Variants in HEMK2 observed in about 807,000 individuals in gnomAD.
HEMK2 encodes the protein methyltransferase HEMK2.
chr21:28,591,882 C>T, the HEMK2 span, among the ~76,000 whole-genome samples: 8 of 152,126 alleles, frequency 5.3e-5, no homozygotes, highest in African/African-American at 9.7e-5. Flanking sequence ...GTAATTGTCT[C>T]GTTCTTGTTT....
chr21:28,703,415 C>T, the HEMK2 span, among the ~76,000 whole-genome samples: 1 of 152,100 alleles, frequency 6.6e-6, no homozygotes, highest in Non-Finnish European at 1.5e-5. Flanking sequence ...CCTGGTTTTG[C>T]AGGTTAAGGC....
chr21:28,593,702 G>C, the HEMK2 span, among the ~76,000 whole-genome samples: 1 of 152,148 alleles, frequency 6.6e-6, no homozygotes, highest in Non-Finnish European at 1.5e-5. Context: ...GCCAAAGCTG[G>C]AACAGTTTGT....
the HEMK2 span, among the ~76,000 whole-genome samples, chr21:28,771,856 C>T: frequency 6.6e-6 from 1 of 152,034 alleles, no homozygotes; most frequent in East Asian, 2.0e-4. Context: ...GCCACTTACA[C>T]ATCCAATCCT....
At chr21:28,679,763 A>G in the HEMK2 span, among the ~76,000 whole-genome samples, 1 of 152,190 alleles carries the variant, frequency 6.6e-6, no homozygotes, top group African/African-American at 2.4e-5. Flanking sequence ...AAACCACTCA[A>G]CTACATGGAA....
At chr21:28,782,307 T>C in the HEMK2 span, among the ~76,000 whole-genome samples, 1 of 152,250 alleles carries the variant, frequency 6.6e-6, no homozygotes, top group Admixed American at 6.5e-5. Flanking sequence ...GGAAAATATA[T>C]TGTGCCCAAA....
chr21:28,775,212 T>C, the HEMK2 span, among the ~76,000 whole-genome samples: 61 of 152,316 alleles, frequency 4.0e-4, no homozygotes, highest in East Asian at 0.011. Flanking sequence ...GGGTGACTGA[T>C]ATTGGCATTT....
the HEMK2 span, among the ~76,000 whole-genome samples, chr21:28,639,490 G>C: frequency 6.6e-6 from 1 of 152,176 alleles, no homozygotes; most frequent in South Asian, 2.1e-4. Context: ...ATAGAAAATA[G>C]TAACTGATCA....
the HEMK2 span, among the ~76,000 whole-genome samples, chr21:28,614,185 G>A: frequency 6.6e-6 from 1 of 152,152 alleles, no homozygotes; most frequent in Non-Finnish European, 1.5e-5. Flanking sequence ...AGGTAATTGA[G>A]TGAGAAAAGA....
chr21:28,857,396 G>GT, the HEMK2 span, among the ~76,000 whole-genome samples: 2 of 152,118 alleles, frequency 1.3e-5, no homozygotes, highest in Non-Finnish European at 1.5e-5. Flanking sequence ...TTGAAAGGAT[G>GT]TAAGTTTTAA....
chr21:28,808,274 C>A, the HEMK2 span, among the ~76,000 whole-genome samples: 1 of 152,166 alleles, frequency 6.6e-6, no homozygotes, highest in Non-Finnish European at 1.5e-5. Context: ...CTTGCTCCAA[C>A]TTTATAGTAA....
the HEMK2 span, among the ~76,000 whole-genome samples, chr21:28,715,574 C>T: frequency 2.0e-5 from 3 of 152,142 alleles, no homozygotes; most frequent in Admixed American, 2.0e-4. Context: ...TGAATATTTT[C>T]TCCCATTCTG....
chr21:28,755,299 C>T, the HEMK2 span, among the ~76,000 whole-genome samples: 3 of 152,178 alleles, frequency 2.0e-5, no homozygotes, highest in African/African-American at 7.2e-5. Flanking sequence ...GGAGGCAAGG[C>T]TTAATCCTCA....
At chr21:28,576,474 C>G in the HEMK2 span, among the ~76,000 whole-genome samples, 1 of 151,928 alleles carries the variant, frequency 6.6e-6, no homozygotes, top group African/African-American at 2.4e-5. Flanking sequence ...AATATCAACA[C>G]AAGTTATTTG....
the HEMK2 span, among the ~76,000 whole-genome samples, chr21:28,883,281 TA>T: frequency 6.6e-6 from 1 of 152,192 alleles, no homozygotes; most frequent in Non-Finnish European, 1.5e-5. Context: ...GTACGTAATA[TA>T]AGTCCATAAA....
chr21:28,837,741 T>C, the HEMK2 span, among the ~76,000 whole-genome samples: 3 of 151,706 alleles, frequency 2.0e-5, no homozygotes, highest in African/African-American at 7.2e-5. Context: ...AAAAGATAAA[T>C]GAACAAAAAG....
chr21:28,717,438 T>A, the HEMK2 span, among the ~76,000 whole-genome samples: 1 of 151,924 alleles, frequency 6.6e-6, no homozygotes, highest in Non-Finnish European at 1.5e-5. Context: ...TCTCTGAGGA[T>A]CTTTTGTATT....
the HEMK2 span, among the ~76,000 whole-genome samples, chr21:28,753,472 G>A: frequency 6.6e-6 from 1 of 152,018 alleles, no homozygotes; most frequent in Admixed American, 6.6e-5. Flanking sequence ...TAGATCATCT[G>A]GCACCTCCCA....
the HEMK2 span, among the ~76,000 whole-genome samples, chr21:28,816,645 C>T: frequency 0.085 from 13,014 of 152,212 alleles, 1,309 homozygotes; most frequent in African/African-American, 0.23. Context: ...CACACCACTG[C>T]ACTACAGCCT....
At chr21:28,840,107 A>T in the HEMK2 span, among the ~76,000 whole-genome samples, 1 of 152,168 alleles carries the variant, frequency 6.6e-6, no homozygotes, top group Admixed American at 6.5e-5. Flanking sequence ...ACAAAAACAT[A>T]AAGTGGGGAA....
Sources: allele counts gnomAD v4.1 joint callset (sites outside exome capture counted in the v4.1 genomes callset), GRCh38; gene constraint gnomAD v4.1.1; transcripts MANE v1.5; gene names NCBI Gene and HGNC (gene_info 2026-07-23, HGNC 2026-07-21).